The following TRIO variants were observed in gnomAD, a reference collection of about 807,000 sequenced individuals.
The protein encoded by TRIO is triple functional domain protein.
In TRIO, 58 loss-of-function variants were observed where a neutral mutation model predicts 351.9. That is an observed-to-expected ratio of 0.16 (90% CI 0.13 to 0.21). The LOEUF is 0.21. Among genes scored for constraint, TRIO ranks in the 10% least tolerant of loss-of-function variants. TRIO has a pLI of 1.00. For missense variants in TRIO, 3,201 were observed against 4,027.8 expected (o/e 0.79, Z 5.56); for synonymous variants, 1,758 against 1,595.7 (o/e 1.10, Z -2.42).
intron 1 of TRIO, among the ~76,000 whole-genome samples, chr5:14,227,556 G>A (rs1346368611): frequency 6.6e-6 from 1 of 152,194 alleles, no homozygotes; most frequent in African/African-American, 2.4e-5. Context: ...TCAGAACTTT[G>A]TTCCTCTAAG....
rs913408894 is a variant in TRIO, at chr5:14,413,365, G to A, written c.4960-6413G>A. ...TCCGTCTTTCATCCTAGCTGCATGC[G>A]TATCCAGTGACCTAATATTCAAAGG... On this transcript the variant is annotated intron_variant, in intron 33 of 56. Transcript: ENST00000344204. 1.6e-4 allele frequency among the ~76,000 whole-genome samples: 24 copies of A among 152,264 alleles called. 1 individual carries two copies. The highest frequency in any genetic ancestry group is 4.6e-4 in the African/African-American group (19 of 41,546).
intron 1 of TRIO, among the ~76,000 whole-genome samples, chr5:14,235,580 G>T (rs1282004492): frequency 6.6e-6 from 1 of 152,044 alleles, no homozygotes; most frequent in South Asian, 2.1e-4. Flanking sequence ...AATGTTTGTT[G>T]TTACAGTTAC....
In TRIO at chr5:14,388,688, G is replaced by GTT. The variant is rs57751910; in HGVS notation, c.3948+26_3948+27dup. The GTT allele has an allele frequency of 0.035, 48,374 of 1,384,786 alleles. 164 individuals carry two copies. Among genetic ancestry groups the GTT allele is most frequent in the African/African-American group, 0.11 (6,558 of 61,918 alleles). 85.8% of individuals were successfully genotyped at this position (1,384,786 alleles called of 1,614,324 possible). A position where few individuals can be genotyped will look rare whatever the true frequency, so the allele number is the denominator to read the frequency against. ...TCCGGGAATGTATGGATGTAAGTAA[G>GTT]TTTTTTTTTTTTTTTTTTGCTTGTT... On this transcript the variant is annotated intron_variant, in intron 24 of 56. Transcript: ENST00000344204.
chr5:14,184,131 C>T (rs1366874793), intron 1 of TRIO, among the ~76,000 whole-genome samples: 1 of 152,202 alleles, frequency 6.6e-6, no homozygotes, highest in Non-Finnish European at 1.5e-5. Flanking sequence ...GGTGCCATGT[C>T]TGTTAAAAAT....
intron 29 of TRIO, among the ~76,000 whole-genome samples, chr5:14,397,890 C>G (rs891107710): frequency 6.6e-6 from 1 of 152,052 alleles, no homozygotes; most frequent in Non-Finnish European, 1.5e-5. Flanking sequence ...CATCCAGGAC[C>G]CAGGCTGTGT....
intron 36 of TRIO, among the ~76,000 whole-genome samples, chr5:14,465,075 T>C (rs190585211): frequency 2.6e-5 from 4 of 152,280 alleles, no homozygotes; most frequent in Admixed American, 2.6e-4. Context: ...TTCTTTTTTT[T>C]CTTAATCCCA....
chr5:14,459,228 G>A (rs1753594469), intron 34 of TRIO, among the ~76,000 whole-genome samples: 1 of 152,220 alleles, frequency 6.6e-6, no homozygotes. Flanking sequence ...AGCACTTGGT[G>A]GGAAACCGCT....
intron 1 of TRIO, among the ~76,000 whole-genome samples, chr5:14,245,387 C>G (rs1794373853): frequency 1.3e-5 from 2 of 152,204 alleles, no homozygotes; most frequent in African/African-American, 2.4e-5. Flanking sequence ...TTCAGTCTTT[C>G]TGCAACCACA....
At chr5:14,205,351 G>A (rs368617145) in intron 1 of TRIO, among the ~76,000 whole-genome samples, 17 of 152,288 alleles carry the variant, frequency 1.1e-4, no homozygotes, top group African/African-American at 3.6e-4. Context: ...AATTGTCCCC[G>A]TAATGTAGCA....
intron 33 of TRIO, 126 bp from the exon 34 acceptor site, chr5:14,419,652 C>T: frequency 7.5e-7 from 1 of 1,332,040 alleles, no homozygotes. Flanking sequence ...GATCACACAA[C>T]CTCGGAGCAC....
chr5:14,248,359 G>A (rs767952238), intron 1 of TRIO, among the ~76,000 whole-genome samples: 33 of 152,194 alleles, frequency 2.2e-4, no homozygotes, highest in Non-Finnish European at 1.2e-4. Context: ...TTGCTCTTGC[G>A]AAGTGTGTTG....
intron 11 of TRIO, among the ~76,000 whole-genome samples, chr5:14,340,418 A>T (rs1741843549): frequency 6.6e-6 from 1 of 152,050 alleles, no homozygotes; most frequent in Non-Finnish European, 1.5e-5. Flanking sequence ...AAAAAAAGAA[A>T]AAGTAGCTTG....
intron 9 of TRIO, among the ~76,000 whole-genome samples, chr5:14,320,974 A>G (rs1299302204): frequency 1.3e-5 from 2 of 152,162 alleles, no homozygotes; most frequent in South Asian, 2.1e-4. Context: ...GCCTTGCAGC[A>G]TACACATTTT....
intron 53 of TRIO, 37 bp from the exon 54 acceptor site, chr5:14,502,542 G>A (rs755955398): frequency 1.4e-5 from 22 of 1,611,190 alleles, no homozygotes; most frequent in African/African-American, 1.1e-4. Flanking sequence ...GAAGCTCCAC[G>A]GGAAACAAGC....
At chr5:14,165,010 T>C (rs1279632057) in intron 1 of TRIO, among the ~76,000 whole-genome samples, 1 of 152,228 alleles carries the variant, frequency 6.6e-6, no homozygotes, top group East Asian at 1.9e-4. Flanking sequence ...GTGGAGCTGC[T>C]GTCTCTCAAC....
intron 1 of TRIO, among the ~76,000 whole-genome samples, chr5:14,221,929 A>G (rs985783074): frequency 6.6e-6 from 1 of 152,236 alleles, no homozygotes; most frequent in Non-Finnish European, 1.5e-5. Flanking sequence ...GTCAAACAGC[A>G]TCACATGCTA....
intron 3 of TRIO, among the ~76,000 whole-genome samples, chr5:14,282,036 G>T (rs1282533274): frequency 1.3e-5 from 2 of 152,194 alleles, no homozygotes; most frequent in Non-Finnish European, 2.9e-5. Context: ...GGTCTTGATA[G>T]TTTGACTTGC....
chr5:14,502,458 C>T, intron 53 of TRIO, 121 bp from the exon 54 acceptor site: 2 of 818,114 alleles, frequency 2.4e-6, no homozygotes, highest in Non-Finnish European at 2.1e-6. Flanking sequence ...CTCGCATGAG[C>T]CGTGTGGCAG....
At chr5:14,370,285 T>A (rs1202287212) in intron 18 of TRIO, among the ~76,000 whole-genome samples, 2 of 152,202 alleles carry the variant, frequency 1.3e-5, no homozygotes, top group Non-Finnish European at 2.9e-5. Flanking sequence ...GTCATATTTT[T>A]ATAAATGTCA....
Sources: allele counts gnomAD v4.1 joint callset (sites outside exome capture counted in the v4.1 genomes callset), GRCh38; gene constraint gnomAD v4.1.1; transcripts MANE v1.5; gene names NCBI Gene and HGNC (gene_info 2026-07-23, HGNC 2026-07-21).